FNDC3B: variants seen among roughly 807,000 people sequenced by gnomAD.
FNDC3B encodes the protein fibronectin type III domain containing 3B.
A neutral mutation model predicts 151.5 loss-of-function variants in FNDC3B; 12 were observed. The ratio of observed to expected loss-of-function variants is 0.08; its 90% CI spans 0.05 to 0.13. The LOEUF (loss-of-function observed/expected upper bound fraction) is 0.13. Among genes scored for constraint, FNDC3B ranks in the 10% least tolerant of loss-of-function variants. The pLI is 1.00. For synonymous variants in FNDC3B, 528 were observed against 549.0 expected, an observed-to-expected ratio of 0.96 and a Z score of 0.54; for missense variants, 1,214 against 1,505.3, an observed-to-expected ratio of 0.81 and a Z score of 3.20.
intron 11 of FNDC3B, among the ~76,000 whole-genome samples, chr3:172,325,602 T>G (rs544481690): frequency 6.0e-4 from 91 of 152,294 alleles, no homozygotes; most frequent in African/African-American, 2.1e-3. Context: ...GAACAGATTC[T>G]CCAAATCTTC....
At position 172,245,059 on chromosome 3, in the gene FNDC3B, A is replaced by T. The variant is rs1021056494; in HGVS notation, c.265-2474A>T. Among the ~76,000 whole-genome samples the T allele has an allele frequency of 6.6e-5, 10 of 152,316 alleles. No homozygotes were observed. In the East Asian group the frequency reaches 1.2e-3, roughly 18 times the overall value. ...CCTTTTACAAATCCCACAGAATAAGATACTTTAAAATGGAGCTGTCAAGCA... is the reference window on the plus strand; with the variant it reads ...CCTTTTACAAATCCCACAGAATAAGTTACTTTAAAATGGAGCTGTCAAGCA... On this transcript the variant is annotated intron_variant, in intron 4 of 25. Transcript: ENST00000415807.
intron 18 of FNDC3B, 101 bp downstream of exon 18, chr3:172,343,217 T>C: frequency 1.4e-6 from 1 of 707,630 alleles, no homozygotes; most frequent in African/African-American, 1.8e-5. Flanking sequence ...CTAAAGACCA[T>C]ATACGTTTTT....
intron 23 of FNDC3B, among the ~76,000 whole-genome samples, chr3:172,372,272 C>G (rs1406148502): frequency 6.6e-6 from 1 of 152,114 alleles, no homozygotes; most frequent in Non-Finnish European, 1.5e-5. Flanking sequence ...GGAGCTGATG[C>G]CTCTGAAGCT....
intron 3 of FNDC3B, among the ~76,000 whole-genome samples, chr3:172,188,225 C>T (rs1431075689): frequency 2.0e-5 from 3 of 151,680 alleles, no homozygotes; most frequent in African/African-American, 7.3e-5. Flanking sequence ...AAACTCCCGA[C>T]CTCAGGTGAT....
intron 1 of FNDC3B, among the ~76,000 whole-genome samples, chr3:172,097,120 G>A (rs1010237926): frequency 6.6e-6 from 1 of 152,134 alleles, no homozygotes; most frequent in African/African-American, 2.4e-5. Context: ...GATTGACAGC[G>A]AGTTCTCCAC....
chr3:172,071,846 C>G (rs1445572518), intron 1 of FNDC3B, among the ~76,000 whole-genome samples: 1 of 151,960 alleles, frequency 6.6e-6, no homozygotes, highest in Non-Finnish European at 1.5e-5. Context: ...TTTCTCATTA[C>G]CATGGTCTTA....
intron 3 of FNDC3B, among the ~76,000 whole-genome samples, chr3:172,140,472 A>G (rs571498146): frequency 2.6e-5 from 4 of 152,310 alleles, no homozygotes; most frequent in East Asian, 1.9e-4. Flanking sequence ...ACAGTTAGCA[A>G]TTCCTCTCAA....
intron 6 of FNDC3B, among the ~76,000 whole-genome samples, chr3:172,264,776 A>G (rs1728831870): frequency 6.6e-6 from 1 of 152,222 alleles, no homozygotes; most frequent in Non-Finnish European, 1.5e-5. Context: ...TTACTTTTGA[A>G]GAAGAAAGTT....
At chr3:172,043,504 A>G (rs1716197699) in intron 1 of FNDC3B, among the ~76,000 whole-genome samples, 1 of 152,136 alleles carries the variant, frequency 6.6e-6, no homozygotes, top group South Asian at 2.1e-4. Flanking sequence ...GCACGCCACC[A>G]TGCCAGGCTA....
chr3:172,243,746 T>C (rs1481698279), intron 4 of FNDC3B, among the ~76,000 whole-genome samples: 2 of 152,210 alleles, frequency 1.3e-5, no homozygotes, highest in African/African-American at 4.8e-5. Context: ...ATATAGATAC[T>C]GTTGGATTAG....
At chr3:172,204,518 TATA>T (rs1374522897) in intron 3 of FNDC3B, among the ~76,000 whole-genome samples, 1 of 152,212 alleles carries the variant, frequency 6.6e-6, no homozygotes, top group Admixed American at 6.5e-5. Context: ...AGAATACATT[TATA>T]ATGTGTTATT....
chr3:172,220,619 C>G (rs1576810160), intron 3 of FNDC3B, among the ~76,000 whole-genome samples: 2 of 152,168 alleles, frequency 1.3e-5, no homozygotes, highest in South Asian at 4.1e-4. Context: ...CTGTTTTCTT[C>G]TAAGAGTTTT....
intron 3 of FNDC3B, among the ~76,000 whole-genome samples, chr3:172,172,624 C>T (rs1427203853): frequency 2.0e-5 from 3 of 152,162 alleles, no homozygotes; most frequent in South Asian, 2.1e-4. Context: ...TACTGGGTTC[C>T]AAGAACTTGC....
At chr3:172,315,431 A>C (rs1405930759) in intron 11 of FNDC3B, among the ~76,000 whole-genome samples, 1 of 152,220 alleles carries the variant, frequency 6.6e-6, no homozygotes, top group Non-Finnish European at 1.5e-5. Context: ...TGTGGCCTTC[A>C]GTTTCGATTT....
At chr3:172,043,834 A>C (rs116544259) in intron 1 of FNDC3B, among the ~76,000 whole-genome samples, 1 of 152,224 alleles carries the variant, frequency 6.6e-6, no homozygotes, top group Non-Finnish European at 1.5e-5. Flanking sequence ...GGAATTGCTG[A>C]AAAAGTAGTC....
intron 24 of FNDC3B, among the ~76,000 whole-genome samples, 164 bp from the exon 25 acceptor site, chr3:172,380,802 G>A (rs1735397807): frequency 6.6e-6 from 1 of 152,184 alleles, no homozygotes; most frequent in South Asian, 2.1e-4. Context: ...GTGCCTAAAG[G>A]GCACCCTGCT....
chr3:172,163,560 C>A (rs1722880185), intron 3 of FNDC3B, among the ~76,000 whole-genome samples: 1 of 152,064 alleles, frequency 6.6e-6, no homozygotes, highest in African/African-American at 2.4e-5. Flanking sequence ...CTTGAAGTTG[C>A]CTGTTTTTGA....
chr3:172,344,628 T>C (rs778697301), intron 19 of FNDC3B, among the ~76,000 whole-genome samples: 2 of 152,208 alleles, frequency 1.3e-5, no homozygotes, highest in African/African-American at 4.8e-5. Flanking sequence ...TACTGTCTTG[T>C]CTAAATGAAC....
At chr3:172,077,325 T>G (rs757965024) in intron 1 of FNDC3B, among the ~76,000 whole-genome samples, 19 of 152,134 alleles carry the variant, frequency 1.2e-4, no homozygotes, top group Non-Finnish European at 2.4e-4. Flanking sequence ...TCATAGGAGA[T>G]GTAAATATAT....
Sources: gnomAD v4.1 joint callset for allele counts (sites outside exome capture counted in the v4.1 genomes callset) on GRCh38, gnomAD v4.1.1 for gene constraint, MANE v1.5 for transcripts, NCBI Gene and HGNC (gene_info 2026-07-23, HGNC 2026-07-21) for gene names.